Variants in XRCC5 observed in about 807,000 individuals in gnomAD.
XRCC5 encodes X-ray repair cross complementing 5.
In XRCC5, 12 loss-of-function variants were observed where a neutral mutation model predicts 95.7. That is an observed-to-expected ratio of 0.13 (90% CI 0.08 to 0.20). XRCC5 has a LOEUF of 0.20. Among genes scored for constraint, XRCC5 ranks in the 10% least tolerant of loss-of-function variants. The probability of loss-of-function intolerance (pLI) is 1.00; values close to 1 mark genes in which losing one functional copy is unlikely to be tolerated. For synonymous variants in XRCC5, 281 were observed against 290.3 expected (o/e 0.97, Z 0.33); for missense variants, 595 against 873.9 (o/e 0.68, Z 4.02).
intron 16 of XRCC5, among the ~76,000 whole-genome samples, chr2:216,163,744 AGAGAG>A (rs1688997903): frequency 6.6e-6 from 1 of 152,226 alleles, no homozygotes; most frequent in African/African-American, 2.4e-5. Flanking sequence ...GCTGAGCCTC[AGAGAG>A]AGCTTACAGT....
intron 18 of XRCC5, among the ~76,000 whole-genome samples, chr2:216,194,494 G>A (rs1324348193): frequency 2.0e-5 from 3 of 152,184 alleles, no homozygotes; most frequent in Non-Finnish European, 4.4e-5. Context: ...CTAAAGAAGG[G>A]GAGACTTATC....
chr2:216,172,469 CTTTTT>C (rs746493174), intron 16 of XRCC5, among the ~76,000 whole-genome samples: 4 of 107,800 alleles, frequency 3.7e-5, no homozygotes, highest in African/African-American at 1.6e-4. Flanking sequence ...CTTTTCTTTT[CTTTTT>C]TTTTTTTTTT....
chr2:216,204,038 A>G (rs934932697), intron 19 of XRCC5: 7 of 397,310 alleles, frequency 1.8e-5, no homozygotes, highest in Non-Finnish European at 3.3e-5. Flanking sequence ...ATGCTTATAC[A>G]GGACACTACA....
intron 19 of XRCC5, among the ~76,000 whole-genome samples, chr2:216,200,972 A>G (rs1452778808): frequency 6.6e-6 from 1 of 152,354 alleles, no homozygotes; most frequent in East Asian, 1.9e-4. Flanking sequence ...GAATTAGAAC[A>G]TGAAACTTAC....
chr2:216,192,226 T>C (rs1486365834), intron 17 of XRCC5, among the ~76,000 whole-genome samples: 1 of 152,036 alleles, frequency 6.6e-6, no homozygotes, highest in African/African-American at 2.4e-5. Context: ...ACTCCTGACC[T>C]CAGGTGATCT....
At chr2:216,121,192 T>C (rs1257036538) in intron 5 of XRCC5, among the ~76,000 whole-genome samples, 3 of 152,192 alleles carry the variant, frequency 2.0e-5, no homozygotes, top group Admixed American at 1.3e-4. Context: ...AAAACAGGAG[T>C]AACCTGATGC....
chr2:216,163,686 C>T (rs1280044787), intron 16 of XRCC5, among the ~76,000 whole-genome samples: 1 of 152,170 alleles, frequency 6.6e-6, no homozygotes, highest in Non-Finnish European at 1.5e-5. Flanking sequence ...GGAATCCTGG[C>T]AAGATCCCCA....
Position 216,205,831 on chromosome 2 carries a change from C to T in XRCC5, c.*629C>T, listed in dbSNP as rs1361737409. On this transcript the variant is annotated 3_prime_UTR_variant, in exon 21 of 21. Coordinates refer to ENST00000392132, the MANE Select transcript of XRCC5 (RefSeq NM_021141.4). Reference sequence around the variant, plus strand: ...GGGGTGGGAAGGGGAGCACAATTTCCCTTCATACTCCTTTTAAGCAGTGAG... The same window carrying T: ...GGGGTGGGAAGGGGAGCACAATTTCTCTTCATACTCCTTTTAAGCAGTGAG... 1 of 152,180 alleles carries T rather than the reference C, an allele frequency of 6.6e-6. No homozygotes were observed. Among genetic ancestry groups the T allele is most frequent in the Non-Finnish European group, 1.5e-5 (1 of 68,124 alleles). The allele number at this position is 152,180 out of a possible 1,614,324, so 9.4% of individuals were successfully genotyped here.
intron 14 of XRCC5, among the ~76,000 whole-genome samples, chr2:216,159,752 C>T (rs984935088): frequency 6.6e-6 from 1 of 152,126 alleles, no homozygotes; most frequent in Non-Finnish European, 1.5e-5. Context: ...TTTCCATTAT[C>T]TGTGCTTGCA....
At chr2:216,147,997 T>G (rs1559247397) in intron 13 of XRCC5, 86 bp from the exon 14 acceptor site, 1 of 1,436,350 alleles carries the variant, frequency 7.0e-7, no homozygotes, top group Admixed American at 2.3e-5. Context: ...CCTCCCACAC[T>G]AAAGATGGAG....
At chr2:216,192,401 G>A (rs1055746137) in intron 17 of XRCC5, among the ~76,000 whole-genome samples, 2 of 152,110 alleles carry the variant, frequency 1.3e-5, no homozygotes, top group Non-Finnish European at 2.9e-5. Flanking sequence ...CAAAGGGCTA[G>A]GCCACCGCAG....
chr2:216,205,066 A>T (rs1056963559), intron 20 of XRCC5, 122 bp from the exon 21 acceptor site: 19 of 1,158,326 alleles, frequency 1.6e-5, no homozygotes, highest in Non-Finnish European at 2.2e-5. Flanking sequence ...GCGGTGAATA[A>T]ATGAGCAAGT....
At chr2:216,126,436 G>A (rs868800856) in intron 7 of XRCC5, among the ~76,000 whole-genome samples, 1 of 152,188 alleles carries the variant, frequency 6.6e-6, no homozygotes, top group South Asian at 2.1e-4. Context: ...AATTATGAAT[G>A]ATCTGATAGT....
At chr2:216,138,588 CCT>C in intron 12 of XRCC5, among the ~76,000 whole-genome samples, 1 of 152,174 alleles carries the variant, frequency 6.6e-6, no homozygotes, top group Non-Finnish European at 1.5e-5. Context: ...TTCTCTTTGC[CCT>C]GTTTTTGTAG....
chr2:216,133,369 A>C (rs1380178892), intron 10 of XRCC5, among the ~76,000 whole-genome samples: 3 of 152,202 alleles, frequency 2.0e-5, no homozygotes, highest in African/African-American at 7.2e-5. Flanking sequence ...AAGAGACAAG[A>C]TCTCATATGT....
chr2:216,136,520 ATGT>A (rs936448157), intron 10 of XRCC5, among the ~76,000 whole-genome samples: 3 of 152,138 alleles, frequency 2.0e-5, no homozygotes, highest in African/African-American at 7.2e-5. Context: ...TCAGGGGAGA[ATGT>A]TGTTTTTGAA....
chr2:216,131,306 G>T lies in XRCC5; in HGVS notation c.1050+319G>T, dbSNP rs374126146. On this transcript the variant is annotated intron_variant, in intron 9 of 20. Coordinates refer to ENST00000392132, the MANE Select transcript of XRCC5 (RefSeq NM_021141.4). ...CTTTGAGGTTCAGTCTTCTTGAGCTGGTATTATGGTGAAAGTGCTCATAAT... is the reference window on the plus strand; with the variant it reads ...CTTTGAGGTTCAGTCTTCTTGAGCTTGTATTATGGTGAAAGTGCTCATAAT... The T allele has an allele frequency of 7.2e-6, 7 of 974,320 alleles. No individual in the cohort carries two copies. In the East Asian group the frequency reaches 4.6e-4, roughly 64 times the overall value. 60.4% of individuals were successfully genotyped at this position (974,320 alleles called of 1,614,324 possible). A position where few individuals can be genotyped will look rare whatever the true frequency, so the allele number is the denominator to read the frequency against.
intron 16 of XRCC5, among the ~76,000 whole-genome samples, chr2:216,181,631 C>T (rs192398084): frequency 5.9e-5 from 9 of 152,294 alleles, no homozygotes; most frequent in South Asian, 2.1e-4. Context: ...CAATGCCGCC[C>T]GTAGTTTTAT....
At chr2:216,176,228 C>T (rs971504453) in intron 16 of XRCC5, among the ~76,000 whole-genome samples, 1 of 152,164 alleles carries the variant, frequency 6.6e-6, no homozygotes, top group African/African-American at 2.4e-5. Context: ...AAGCCATTCT[C>T]CTGCCTCAGC....
Sources: allele counts gnomAD v4.1 joint callset (sites outside exome capture counted in the v4.1 genomes callset), GRCh38; gene constraint gnomAD v4.1.1; transcripts MANE v1.5; gene names NCBI Gene and HGNC (gene_info 2026-07-23, HGNC 2026-07-21).